The following ARID1B variants were observed in gnomAD, a reference collection of about 807,000 sequenced individuals.
The protein encoded by ARID1B is AT-rich interaction domain 1B, also known as AT-rich interactive domain-containing protein 1B.
In ARID1B, 30 loss-of-function variants were observed where a neutral mutation model predicts 212.3. The ratio of observed to expected loss-of-function variants is 0.14; its 90% confidence interval spans 0.11 to 0.19. The LOEUF (loss-of-function observed/expected upper bound fraction) is 0.19. ARID1B is among the 10% of genes least tolerant of loss of function. The probability of loss-of-function intolerance (pLI) is 1.00; values close to 1 mark genes in which losing one functional copy is unlikely to be tolerated. For missense variants in ARID1B, 2,891 were observed against 3,204.0 expected, an observed-to-expected ratio of 0.90 and a Z score of 2.36; for synonymous variants, 1,402 against 1,301.7, an observed-to-expected ratio of 1.08 and a Z score of -1.66.
At chr6:157,098,934 CTG>C (rs1216096574) in intron 5 of ARID1B, among the ~76,000 whole-genome samples, 1 of 152,180 alleles carries the variant, frequency 6.6e-6, no homozygotes, top group African/African-American at 2.4e-5. Flanking sequence ...GGAGAATCCT[CTG>C]TATGTAAATG....
chr6:156,790,655 C>T (rs544868447), intron 1 of ARID1B, among the ~76,000 whole-genome samples: 2 of 152,290 alleles, frequency 1.3e-5, no homozygotes, highest in East Asian at 1.9e-4. Context: ...GTGTGGAAAT[C>T]ATCCCTTTCC....
chr6:157,123,506 C>T (rs898302872), intron 6 of ARID1B, among the ~76,000 whole-genome samples: 16 of 152,176 alleles, frequency 1.1e-4, no homozygotes, highest in Admixed American at 1.3e-4. Flanking sequence ...GTAGAGGAGG[C>T]GTGGGACAGG....
Position 157,210,419 on chromosome 6 carries a change from A to G in ARID1B, c.*2528A>G. Reference sequence around the variant, plus strand: ...AAATAATTAACAAAAGACTGTTGTTATGGTTTGCATTGTAACCGATACGCA... The same window carrying G: ...AAATAATTAACAAAAGACTGTTGTTGTGGTTTGCATTGTAACCGATACGCA... On this transcript the variant is annotated 3_prime_UTR_variant, in exon 20 of 20. Coordinates refer to ENST00000636930, the MANE Select transcript of ARID1B (RefSeq NM_001374828.1). The G allele has an allele frequency of 4.3e-6, 1 of 231,348 alleles. No homozygotes were observed. The highest frequency in any genetic ancestry group is 8.6e-6 in the Non-Finnish European group (1 of 116,902). 14.3% of individuals were successfully genotyped at this position (231,348 alleles called of 1,614,324 possible). A position where few individuals can be genotyped will look rare whatever the true frequency, so the allele number is the denominator to read the frequency against.
chr6:157,111,988 G>A (rs1786959615), intron 6 of ARID1B, among the ~76,000 whole-genome samples: 2 of 152,046 alleles, frequency 1.3e-5, no homozygotes, highest in Admixed American at 6.6e-5. Flanking sequence ...GCTGATGCCA[G>A]TGGTTTGAGG....
At chr6:156,810,633 T>C (rs1340752929) in intron 1 of ARID1B, among the ~76,000 whole-genome samples, 1 of 152,166 alleles carries the variant, frequency 6.6e-6, no homozygotes, top group Non-Finnish European at 1.5e-5. Context: ...TCATTTTGCC[T>C]GGTGGTTTCA....
intron 5 of ARID1B, 35 bp downstream of exon 5, chr6:157,084,940 G>T (rs1238355413): frequency 6.4e-7 from 1 of 1,565,094 alleles, no homozygotes; most frequent in Non-Finnish European, 8.6e-7. Flanking sequence ...ATTTTACTTT[G>T]TGATAAAGAG....
At chr6:156,864,715 C>T (rs955261079) in intron 2 of ARID1B, among the ~76,000 whole-genome samples, 7 of 152,152 alleles carry the variant, frequency 4.6e-5, no homozygotes, top group Admixed American at 1.3e-4. Flanking sequence ...TTGCTGTCCC[C>T]GCTGGAAGAT....
At chr6:157,036,711 C>T (rs896757552) in intron 4 of ARID1B, 2 of 411,184 alleles carry the variant, frequency 4.9e-6, no homozygotes, top group Non-Finnish European at 9.7e-6. Flanking sequence ...TGACAACTGA[C>T]ATAAATGGAA....
intron 1 of ARID1B, among the ~76,000 whole-genome samples, chr6:156,809,731 AAAAG>A (rs1781434786): frequency 1.3e-5 from 2 of 151,912 alleles, no homozygotes; most frequent in African/African-American, 2.4e-5. Context: ...AAAAAAAAAA[AAAAG>A]GACTCCCTTT....
intron 4 of ARID1B, among the ~76,000 whole-genome samples, chr6:156,978,116 A>G (rs562535765): frequency 6.6e-6 from 1 of 152,176 alleles, no homozygotes; most frequent in African/African-American, 2.4e-5. Flanking sequence ...AAGACTGCCA[A>G]TACCAGGAGC....
At chr6:157,006,274 G>A (rs1779247230) in intron 4 of ARID1B, among the ~76,000 whole-genome samples, 2 of 152,300 alleles carry the variant, frequency 1.3e-5, no homozygotes, top group South Asian at 4.1e-4. Flanking sequence ...TGTATTGCAA[G>A]CCATTTTATG....
chr6:156,846,151 T>TTTTGTTTGTTTG (rs71027318), intron 2 of ARID1B, among the ~76,000 whole-genome samples: 4 of 149,946 alleles, frequency 2.7e-5, no homozygotes, highest in East Asian at 3.9e-4. Context: ...AGGCTATTTT[T>TTTTGTTTGTTTG]TTTGTTTGTT....
intron 4 of ARID1B, among the ~76,000 whole-genome samples, chr6:156,980,633 C>CT (rs1777549621): frequency 6.6e-6 from 1 of 152,222 alleles, no homozygotes; most frequent in African/African-American, 2.4e-5. Flanking sequence ...TACTCGTAGA[C>CT]AGTGCCGTGT....
intron 1 of ARID1B, among the ~76,000 whole-genome samples, chr6:156,786,407 C>T (rs1282803496): frequency 6.6e-6 from 1 of 152,040 alleles, no homozygotes; most frequent in Non-Finnish European, 1.5e-5. Flanking sequence ...GATGATTGAC[C>T]TTTTAGAATT....
intron 4 of ARID1B, among the ~76,000 whole-genome samples, chr6:157,007,482 G>A (rs373857510): frequency 6.6e-6 from 1 of 152,102 alleles, no homozygotes; most frequent in Non-Finnish European, 1.5e-5. Context: ...ACATATTTTG[G>A]CAATGTTTTG....
At chr6:156,950,368 A>G (rs1358112955) in intron 4 of ARID1B, among the ~76,000 whole-genome samples, 1 of 152,264 alleles carries the variant, frequency 6.6e-6, no homozygotes, top group East Asian at 1.9e-4. Flanking sequence ...TGGAAGACCA[A>G]AGATGGTGAA....
chr6:157,069,482 G>A (rs944954688), intron 4 of ARID1B, among the ~76,000 whole-genome samples: 4 of 152,192 alleles, frequency 2.6e-5, no homozygotes, highest in Non-Finnish European at 5.9e-5. Flanking sequence ...TACAGTTAAT[G>A]CAGTTACTTA....
At chr6:156,812,062 C>T (rs551031668) in intron 1 of ARID1B, among the ~76,000 whole-genome samples, 28 of 152,294 alleles carry the variant, frequency 1.8e-4, no homozygotes, top group African/African-American at 5.8e-4. Context: ...TATAGTGTGC[C>T]GAGGGCACAG....
intron 3 of ARID1B, among the ~76,000 whole-genome samples, chr6:156,909,123 C>CTTTTTTTT (rs60183999): frequency 1.3e-4 from 14 of 108,818 alleles, no homozygotes; most frequent in African/African-American, 4.9e-4. Context: ...TTTTCTTTCT[C>CTTTTTTTT]TTTTTTTTTT....
Sources: gnomAD v4.1 joint callset for allele counts (sites outside exome capture counted in the v4.1 genomes callset) on GRCh38, gnomAD v4.1.1 for gene constraint, MANE v1.5 for transcripts, NCBI Gene and HGNC (gene_info 2026-07-23, HGNC 2026-07-21) for gene names.